Variants in ARMC2 observed in about 807,000 individuals in gnomAD.
ARMC2 encodes the protein armadillo repeat-containing protein 2.
Under a neutral mutation model 90.3 loss-of-function variants are expected in ARMC2, and 67 were observed. That is an observed-to-expected ratio of 0.74 (90% CI 0.61 to 0.91). ARMC2 has a LOEUF of 0.91. ARMC2 is among the 40% of genes least tolerant of loss of function. The pLI is 0.00. For missense variants in ARMC2, 920 were observed against 1,030.9 expected, an observed-to-expected ratio of 0.89 and a Z score of 1.47; for synonymous variants, 393 against 393.0, an observed-to-expected ratio of 1.00 and a Z score of 0.00.
At chr6:108,939,966 A>G (rs1438041376) in intron 12 of ARMC2, among the ~76,000 whole-genome samples, 4 of 152,210 alleles carry the variant, frequency 2.6e-5, no homozygotes, top group Non-Finnish European at 5.9e-5. Context: ...CCCACATGTG[A>G]AGCCTGAGTC....
chr6:108,931,794 G>A (rs1177225719), intron 11 of ARMC2, among the ~76,000 whole-genome samples: 8 of 150,214 alleles, frequency 5.3e-5, no homozygotes, highest in Admixed American at 2.0e-4. Context: ...ATGGAGTTTC[G>A]TTCTTGTTGC....
chr6:108,940,059 T>A (rs532896370), intron 12 of ARMC2, among the ~76,000 whole-genome samples: 1 of 152,324 alleles, frequency 6.6e-6, no homozygotes, highest in East Asian at 1.9e-4. Flanking sequence ...ACCTCCACCT[T>A]TGGTAGTCTT....
the ARMC2 span, among the ~76,000 whole-genome samples, chr6:108,987,804 A>ATTTTTTT: frequency 1.9e-5 from 2 of 106,616 alleles, no homozygotes; most frequent in African/African-American, 8.1e-5. Flanking sequence ...AACAGCAGCT[A>ATTTTTTT]TCTTTTTTTT....
chr6:108,907,828 G>A (rs1258962428), intron 8 of ARMC2: 1 of 1,611,010 alleles, frequency 6.2e-7, no homozygotes, highest in African/African-American at 1.3e-5. Flanking sequence ...CCCCCAGTTT[G>A]ACCTCCAGAA....
chr6:108,881,134 G>A (rs147881458), intron 5 of ARMC2, among the ~76,000 whole-genome samples: 26 of 151,988 alleles, frequency 1.7e-4, no homozygotes, highest in African/African-American at 5.5e-4. Flanking sequence ...GATTACAGGC[G>A]TGAGCCACCG....
At chr6:109,047,392 G>C in the ARMC2 span, among the ~76,000 whole-genome samples, 1 of 136,752 alleles carries the variant, frequency 7.3e-6, no homozygotes, top group Non-Finnish European at 1.6e-5. Context: ...GGGAGGTGAG[G>C]GGCGCCTCTG....
chr6:109,042,469 C>T, the ARMC2 span, among the ~76,000 whole-genome samples: 3 of 148,706 alleles, frequency 2.0e-5, no homozygotes, highest in Non-Finnish European at 3.0e-5. Flanking sequence ...AAGACTGACA[C>T]GGGAATTAAG....
chr6:108,904,542 A>G, intron 8 of ARMC2, 137 bp downstream of exon 8: 1 of 785,010 alleles, frequency 1.3e-6, no homozygotes. Context: ...TAAGGTAATA[A>G]ACTGACATCT....
intron 12 of ARMC2, among the ~76,000 whole-genome samples, chr6:108,945,637 T>C (rs888367541): frequency 1.9e-4 from 29 of 152,266 alleles, no homozygotes; most frequent in African/African-American, 6.8e-4. Context: ...CTGTTTAGAC[T>C]TCTATAGGCA....
chr6:108,984,039 A>T, the ARMC2 span, among the ~76,000 whole-genome samples: 11 of 152,164 alleles, frequency 7.2e-5, no homozygotes, highest in African/African-American at 2.7e-4. Context: ...GGATTTTCAT[A>T]GGAGCTTGAC....
chr6:109,027,638 T>C, the ARMC2 span, among the ~76,000 whole-genome samples: 1 of 152,118 alleles, frequency 6.6e-6, no homozygotes, highest in Non-Finnish European at 1.5e-5. Flanking sequence ...TATTTTCAAT[T>C]TTCACAACTG....
At chr6:108,982,522 T>C in the ARMC2 span, among the ~76,000 whole-genome samples, 2 of 149,670 alleles carry the variant, frequency 1.3e-5, no homozygotes, top group Non-Finnish European at 1.5e-5. Context: ...ATGGGAATTC[T>C]ATTTTTAACT....
chr6:108,910,656 G>A lies in ARMC2; in HGVS notation c.1024-243G>A, dbSNP rs140578757. Reference sequence around the variant, plus strand: ...TGTTTATTCCACAGTATTCACAATCGCTAAGATCTGTCATTAAAATGTTTA... The same window carrying A: ...TGTTTATTCCACAGTATTCACAATCACTAAGATCTGTCATTAAAATGTTTA... On this transcript the variant is annotated intron_variant, in intron 8 of 17. Transcript: ENST00000392644. Among the ~76,000 whole-genome samples, 29 of 152,158 alleles carry A rather than the reference G, an allele frequency of 1.9e-4. No individual in the cohort carries two copies. In the East Asian group the frequency reaches 5.0e-3, roughly 26 times the overall value.
At chr6:108,921,736 G>A (rs550655241) in intron 10 of ARMC2, among the ~76,000 whole-genome samples, 6 of 152,308 alleles carry the variant, frequency 3.9e-5, no homozygotes, top group African/African-American at 1.4e-4. Flanking sequence ...GAAAATAGTG[G>A]CTTTAGTCAT....
At chr6:108,859,327 T>G (rs185512994) in intron 3 of ARMC2, among the ~76,000 whole-genome samples, 5 of 152,096 alleles carry the variant, frequency 3.3e-5, no homozygotes, top group Admixed American at 6.5e-5. Flanking sequence ...GGGAGACGGC[T>G]TCTCCTTGTG....
chr6:108,964,448 A>AG lies in ARMC2; in HGVS notation c.2285+141dup, dbSNP rs1279676747. 1.2e-5 allele frequency: 13 copies of AG among 1,051,280 alleles called. No homozygotes were observed. In the Admixed American group the frequency reaches 3.8e-4, roughly 30 times the overall value. The allele number at this position is 1,051,280 out of a possible 1,614,324, so 65.1% of individuals were successfully genotyped here. A position where few individuals can be genotyped will look rare whatever the true frequency, so the allele number is the denominator to read the frequency against. ...GGAAGCCCCTAAGCTGAGGCTAAAGAGGGGGTTTAGATTCCACTGGATACT... is the reference window on the plus strand; with the variant it reads ...GGAAGCCCCTAAGCTGAGGCTAAAGAGGGGGGTTTAGATTCCACTGGATACT... On this transcript the variant is annotated intron_variant, in intron 16 of 17. Coordinates refer to ENST00000392644, the MANE Select transcript of ARMC2 (RefSeq NM_032131.6).
At chr6:108,874,023 G>A (rs1271119532) in intron 4 of ARMC2, among the ~76,000 whole-genome samples, 1 of 152,216 alleles carries the variant, frequency 6.6e-6, no homozygotes, top group African/African-American at 2.4e-5. Flanking sequence ...AACCTGAACT[G>A]GTCCTGTGTG....
intron 5 of ARMC2, among the ~76,000 whole-genome samples, chr6:108,890,218 A>C (rs9398177): frequency 0.22 from 26,101 of 116,436 alleles, 4,225 homozygotes; most frequent in Admixed American, 0.32. Context: ...AAAAAAAAAA[A>C]AAAAAAAAAA....
At chr6:108,979,917 A>G in the ARMC2 span, among the ~76,000 whole-genome samples, 1 of 151,908 alleles carries the variant, frequency 6.6e-6, no homozygotes, top group East Asian at 1.9e-4. Context: ...TTCTTAGCTT[A>G]CTTGCATTGG....
Sources: allele counts gnomAD v4.1 joint callset (sites outside exome capture counted in the v4.1 genomes callset), GRCh38; gene constraint gnomAD v4.1.1; transcripts MANE v1.5; gene names NCBI Gene and HGNC (gene_info 2026-07-23, HGNC 2026-07-21).